Variants in PPP1R1C observed in about 807,000 individuals in gnomAD.
PPP1R1C encodes protein phosphatase 1 regulatory subunit 1C.
A neutral mutation model predicts 17.4 loss-of-function variants in PPP1R1C; 15 were observed. The observed-to-expected ratio is 0.86, with a 90% CI of 0.58 to 1.33. The LOEUF (loss-of-function observed/expected upper bound fraction) is 1.33, where lower values mean the gene tolerates loss of function less well. Ranked by LOEUF, PPP1R1C falls within the 40% of genes most tolerant of loss-of-function variation. The pLI, the probability that PPP1R1C is intolerant of heterozygous loss-of-function variation, is 0.00. For synonymous variants in PPP1R1C, 35 were observed against 43.1 expected, an observed-to-expected ratio of 0.81 and a Z score of 0.73; for missense variants, 143 against 130.0, an observed-to-expected ratio of 1.10 and a Z score of -0.48.
At chr2:181,983,197 T>C (rs913724489), upstream of PPP1R1C, among the ~76,000 whole-genome samples, 2 of 152,180 alleles carry the variant, frequency 1.3e-5, no homozygotes, top group African/African-American at 4.8e-5. Context: ...GGCCTTATAT[T>C]ATAGTGGCCA....
At chr2:181,969,702 G>GTC (rs755374286) in intron 1 of PPP1R1C, among the ~76,000 whole-genome samples, 14 of 152,060 alleles carry the variant, frequency 9.2e-5, no homozygotes, top group Middle Eastern at 3.4e-3. Context: ...TTCTACCCCT[G>GTC]TCTCTCTCTC....
At chr2:182,030,891 C>A (rs973397921) in intron 2 of PPP1R1C, 13 of 156,746 alleles carry the variant, frequency 8.3e-5, no homozygotes, top group Non-Finnish European at 1.7e-4. Context: ...ACCCTCTGAG[C>A]CAGGTGCCGG....
At chr2:182,031,697 T>G (rs1686845391) in intron 2 of PPP1R1C, among the ~76,000 whole-genome samples, 1 of 152,236 alleles carries the variant, frequency 6.6e-6, no homozygotes, top group African/African-American at 2.4e-5. Flanking sequence ...TACAGCTCTT[T>G]GACCACACAC....
chr2:182,004,217 C>G (rs1685850385), intron 2 of PPP1R1C, among the ~76,000 whole-genome samples: 1 of 152,188 alleles, frequency 6.6e-6, no homozygotes, highest in Non-Finnish European at 1.5e-5. Flanking sequence ...CCTGTCTTAT[C>G]TAAAATTTGC....
intron 4 of PPP1R1C, among the ~76,000 whole-genome samples, chr2:182,091,012 T>TA (rs1688764731): frequency 1.3e-5 from 2 of 152,130 alleles, no homozygotes; most frequent in Non-Finnish European, 2.9e-5. Context: ...AGACCAGGAT[T>TA]AAAAAAGAAT....
At chr2:182,087,235 ATTCT>A (rs1688653813) in intron 4 of PPP1R1C, among the ~76,000 whole-genome samples, 1 of 152,202 alleles carries the variant, frequency 6.6e-6, no homozygotes, top group Non-Finnish European at 1.5e-5. Context: ...CATCAGAGTG[ATTCT>A]TTATAGTCCT....
chr2:182,052,777 A>G (rs1195642799), intron 2 of PPP1R1C, among the ~76,000 whole-genome samples: 1 of 152,258 alleles, frequency 6.6e-6, no homozygotes, highest in Non-Finnish European at 1.5e-5. Flanking sequence ...TCGAAATCAC[A>G]AAACATACAA....
chr2:182,019,817 A>G (rs1686364561), intron 2 of PPP1R1C, among the ~76,000 whole-genome samples: 1 of 152,238 alleles, frequency 6.6e-6, no homozygotes, highest in Non-Finnish European at 1.5e-5. Flanking sequence ...GATCAGATCC[A>G]GAAGTTTATC....
At chr2:182,004,631 G>T (rs914929640) in intron 2 of PPP1R1C, among the ~76,000 whole-genome samples, 2 of 152,224 alleles carry the variant, frequency 1.3e-5, no homozygotes, top group African/African-American at 2.4e-5. Flanking sequence ...TAGGTGGAGG[G>T]TGGAGATTTG....
At chr2:182,075,307 A>G (rs1688259983) in intron 4 of PPP1R1C, among the ~76,000 whole-genome samples, 1 of 152,198 alleles carries the variant, frequency 6.6e-6, no homozygotes, top group South Asian at 2.1e-4. Flanking sequence ...TCATCCATGT[A>G]ATACCCACAA....
chr2:182,043,790 A>T (rs1281064903), intron 2 of PPP1R1C, among the ~76,000 whole-genome samples: 4 of 152,020 alleles, frequency 2.6e-5, no homozygotes, highest in Non-Finnish European at 5.9e-5. Flanking sequence ...CTGCTTCTCT[A>T]GTCCTCCACC....
intron 3 of PPP1R1C, among the ~76,000 whole-genome samples, chr2:182,062,336 T>C (rs970033045): frequency 1.3e-5 from 2 of 152,132 alleles, no homozygotes; most frequent in African/African-American, 4.8e-5. Flanking sequence ...GTTTACACTG[T>C]GTTACTAAAC....
At chr2:182,042,490 G>T (rs74333996) in intron 2 of PPP1R1C, among the ~76,000 whole-genome samples, 14,859 of 152,124 alleles carry the variant, frequency 0.098, 1,775 homozygotes, top group African/African-American at 0.26. Context: ...CCTTGCTGGG[G>T]CTGCCCACTG....
intron 4 of PPP1R1C, among the ~76,000 whole-genome samples, chr2:182,070,079 A>T (rs1025494188): frequency 1.3e-5 from 2 of 152,202 alleles, no homozygotes. Context: ...GTCCTTTAAT[A>T]GGGATTTAGA....
chr2:181,955,811 C>T (rs1016572900), intron 1 of PPP1R1C, among the ~76,000 whole-genome samples: 5 of 152,028 alleles, frequency 3.3e-5, no homozygotes, highest in Admixed American at 2.0e-4. Flanking sequence ...CAGAGATAAG[C>T]GCCATTGAAA....
chr2:182,071,351 A>T (rs1688134353), intron 4 of PPP1R1C, among the ~76,000 whole-genome samples: 1 of 152,110 alleles, frequency 6.6e-6, no homozygotes, highest in African/African-American at 2.4e-5. Context: ...GATTTGACTG[A>T]TGTTTTTCTC....
chr2:182,069,538 C>G (rs1291625813), intron 4 of PPP1R1C, among the ~76,000 whole-genome samples: 1 of 151,870 alleles, frequency 6.6e-6, no homozygotes, highest in Non-Finnish European at 1.5e-5. Flanking sequence ...TCTTTTATGA[C>G]ATTGTCATGG....
At chr2:182,057,433 T>C (rs900043772) in intron 2 of PPP1R1C, among the ~76,000 whole-genome samples, 2 of 152,104 alleles carry the variant, frequency 1.3e-5, no homozygotes, top group African/African-American at 2.4e-5. Context: ...GTATTTGGTA[T>C]GAGGGCAGGA....
At chr2:182,100,529 G>T (rs1355949836) in intron 4 of PPP1R1C, among the ~76,000 whole-genome samples, 1 of 151,804 alleles carries the variant, frequency 6.6e-6, no homozygotes, top group Non-Finnish European at 1.5e-5. Flanking sequence ...AAAAAAGACG[G>T]GGAGAATGCA....
Sources: gnomAD v4.1 joint callset for allele counts (sites outside exome capture counted in the v4.1 genomes callset) on GRCh38, gnomAD v4.1.1 for gene constraint, MANE v1.5 for transcripts, NCBI Gene and HGNC (gene_info 2026-07-23, HGNC 2026-07-21) for gene names.